The following SMC1A variants were observed in gnomAD, a reference collection of about 807,000 sequenced individuals.
SMC1A encodes the protein structural maintenance of chromosomes protein 1A.
SMC1A carries 4 observed loss-of-function variants against 94.5 expected under a neutral mutation model. The ratio of observed to expected loss-of-function variants is 0.04; its 90% CI spans 0.02 to 0.10. The LOEUF (loss-of-function observed/expected upper bound fraction) is 0.10, where lower values mean the gene tolerates loss of function less well. SMC1A is among the 10% of genes least tolerant of loss of function. The pLI, the probability that SMC1A is intolerant of heterozygous loss-of-function variation, is 1.00. For missense variants in SMC1A, 304 were observed against 989.0 expected, an observed-to-expected ratio of 0.31 and a Z score of 9.29; for synonymous variants, 345 against 347.7, an observed-to-expected ratio of 0.99 and a Z score of 0.09.
intron 9 of SMC1A, among the ~76,000 whole-genome samples, chrX:53,408,110 C>G (rs2075697820): frequency 8.9e-6 from 1 of 111,949 alleles, no homozygotes; most frequent in Admixed American, 9.5e-5. Context: ...GGGCAGATCA[C>G]TTGAGGTCAG....
At chrX:53,417,632 C>CT (rs1209695657) in intron 1 of SMC1A, among the ~76,000 whole-genome samples, 1 of 107,510 alleles carries the variant, frequency 9.3e-6, no homozygotes, top group East Asian at 2.9e-4. Context: ...AGTGCACAAA[C>CT]TTTGACTGGA....
At chrX:53,392,170 C>G (rs1602403478) in intron 19 of SMC1A, among the ~76,000 whole-genome samples, 1 of 110,929 alleles carries the variant, frequency 9.0e-6, no homozygotes, top group Non-Finnish European at 1.9e-5. Context: ...GTGGGCAGAT[C>G]ATGAGGTCAG....
rs1370794920 is a variant in SMC1A, at chrX:53,407,660, A to G, written c.1545+1402T>C. The stretch of plus-strand genomic sequence containing the variant: ...AAGTCTTGGACTGAGCCCCTAACCC[A>G]CAGGATCTGATGCTATCTCCAGATA... On this transcript the variant is annotated intron_variant, in intron 9 of 24. Transcript: ENST00000322213. Among the ~76,000 whole-genome samples the G allele has an allele frequency of 6.3e-5, 7 of 111,046 alleles. No homozygotes were observed. In the East Asian group the frequency reaches 1.4e-3, roughly 22 times the overall value.
At chrX:53,418,780 T>C (rs1408111536) in intron 1 of SMC1A, among the ~76,000 whole-genome samples, 2 of 111,726 alleles carry the variant, frequency 1.8e-5, no homozygotes, top group East Asian at 2.9e-4. Flanking sequence ...CAGTGGCTCA[T>C]GACTGTAATC....
intron 13 of SMC1A, among the ~76,000 whole-genome samples, chrX:53,404,384 T>A (rs2075683147): frequency 1.2e-5 from 1 of 82,294 alleles, no homozygotes; most frequent in Non-Finnish European, 2.2e-5. Flanking sequence ...AAAATTCAAA[T>A]TTGTTGAATG....
intron 16 of SMC1A, among the ~76,000 whole-genome samples, 163 bp downstream of exon 16, chrX:53,399,426 T>C (rs2075663305): frequency 1.8e-5 from 2 of 112,566 alleles, no homozygotes; most frequent in South Asian, 7.2e-4. Flanking sequence ...CTTCTTGAAC[T>C]GTTTGTGACA....
rs1057520375 is a variant in SMC1A at position 53,413,132 on chromosome X, G to A, written c.622C>T (p.Arg208Trp). Residue 208 changes from arginine to tryptophan, a missense_variant, in exon 5 of 25, where the codon CGG becomes TGG. Coordinates refer to ENST00000322213, the MANE Select transcript of SMC1A (RefSeq NM_006306.4). ...ACCTCATCCTTCAGGCGCTGGTACC[G>A]GTCAGCCTGTGCAAACAGGGGAATG... is the stretch of plus-strand genomic sequence containing the variant. ...EAKQEKEEAD[R>W]YQRLKDEVVR... is the part of the protein sequence containing the mutation. 8.3e-7 allele frequency: 1 copy of A among 1,211,697 alleles called. No individual in the cohort carries two copies. Among genetic ancestry groups the A allele is most frequent in the Admixed American group, 2.2e-5 (1 of 46,002 alleles).
chrX:53,399,931 G>A (rs1285493060), intron 15 of SMC1A, among the ~76,000 whole-genome samples: 3 of 111,346 alleles, frequency 2.7e-5, no homozygotes, highest in African/African-American at 9.8e-5. Flanking sequence ...AAGTTCCTCA[G>A]CCTAGCCCTG....
At chrX:53,395,635 G>T (rs1308077562) in intron 18 of SMC1A, among the ~76,000 whole-genome samples, 1 of 112,093 alleles carries the variant, frequency 8.9e-6, no homozygotes, top group Non-Finnish European at 1.9e-5. Flanking sequence ...TCTAAGACAA[G>T]ATATTAATAT....
chrX:53,395,753 C>A (rs1322125077), intron 18 of SMC1A, among the ~76,000 whole-genome samples: 1 of 111,309 alleles, frequency 9.0e-6, no homozygotes, highest in Non-Finnish European at 1.9e-5. Flanking sequence ...TAAACTTCCT[C>A]ACCTCTGCAT....
intron 19 of SMC1A, among the ~76,000 whole-genome samples, chrX:53,388,708 C>A (rs188438115): frequency 1.8e-4 from 20 of 109,417 alleles, no homozygotes; most frequent in Non-Finnish European, 9.5e-5. Context: ...ACTAGAAAAT[C>A]GAAAATTGGC....
In SMC1A at chrX:53,405,481, G is replaced by C. The variant is rs200324148; in HGVS notation, c.1911+12C>G. 114 of 1,210,437 alleles carry C rather than the reference G, an allele frequency of 9.4e-5. No homozygotes were observed. The highest frequency in any genetic ancestry group is 3.7e-4 in the South Asian group (21 of 56,860). ...GCCTGTCCAGCTCCAGCCTGGGCAA[G>C]GGAATCCACACCTTGTGGCGCTGGT... On this transcript the variant is annotated intron_variant, in intron 11 of 24. Coordinates refer to ENST00000322213, the MANE Select transcript of SMC1A (RefSeq NM_006306.4).
Position 53,380,202 on chromosome X carries a change from G to A in SMC1A, c.3619-16C>T, listed in dbSNP as rs1556885717. 3.5e-6 allele frequency: 4 copies of A among 1,141,194 alleles called. No individual in the cohort carries two copies. The Admixed American group carries it at 8.8e-5, about 25-fold the overall frequency. 94.0% of individuals were successfully genotyped at this position (1,141,194 alleles called of 1,213,427 possible). A position where few individuals can be genotyped will look rare whatever the true frequency, so the allele number is the denominator to read the frequency against. The stretch of plus-strand genomic sequence containing the variant: ...AGTCCCCTTGCTGAAGGAGGAGGGA[G>A]AAAAAGAAAAATAAAATTGTAAGGA... On this transcript the variant is annotated splice_polypyrimidine_tract_variant and intron_variant, in intron 24 of 24. Transcript: ENST00000322213.
chrX:53,384,264 C>CTTT (rs781943811), intron 19 of SMC1A, among the ~76,000 whole-genome samples: 2 of 95,825 alleles, frequency 2.1e-5, no homozygotes, highest in Non-Finnish European at 2.1e-5. Flanking sequence ...CCTTTTTAGA[C>CTTT]TTTTTTTTTT....
Position 53,378,333 on chromosome X carries a change from G to A in SMC1A, c.*1770C>T, listed in dbSNP as rs1047531151. 1.3e-4 allele frequency: 15 copies of A among 112,181 alleles called. No homozygotes were observed. Among genetic ancestry groups the A allele is most frequent in the African/African-American group, 4.2e-4 (13 of 30,887 alleles). The allele number at this position is 112,181 out of a possible 1,213,427, so 9.2% of individuals were successfully genotyped here. ...TTAATGTCCATCACAAAAGAAATGC[G>A]TAAGTAAAATGTGGTAATCATATGA... On this transcript the variant is annotated 3_prime_UTR_variant, in exon 25 of 25. Transcript: ENST00000322213.
Position 53,399,745 on chromosome X carries a change from G to C in SMC1A, c.2421-15C>G, listed in dbSNP as rs1002384123. 5.0e-6 allele frequency: 6 copies of C among 1,196,471 alleles called. No homozygotes were observed. The African/African-American group carries it at 5.3e-5, about 11-fold the overall frequency. On this transcript the variant is annotated splice_polypyrimidine_tract_variant and intron_variant, in intron 15 of 24. Transcript: ENST00000322213. ...CAAACTCCAAACTGTGTATAAAGGT[G>C]GGGGGAGAATCACTCATAATCTCAT...
chrX:53,389,842 CTTTT>C (rs1193457348), intron 19 of SMC1A, among the ~76,000 whole-genome samples: 10 of 55,092 alleles, frequency 1.8e-4, no homozygotes, highest in African/African-American at 5.9e-4. Flanking sequence ...TCCAGAATTT[CTTTT>C]TTTTTTTTTT....
intron 19 of SMC1A, among the ~76,000 whole-genome samples, chrX:53,390,973 C>CAAAAAA (rs782771730): frequency 2.7e-3 from 91 of 34,294 alleles, no homozygotes; most frequent in East Asian, 5.2e-3. Flanking sequence ...GACTCCGTCT[C>CAAAAAA]AAAAAAAAAA....
Position 53,376,090 on chromosome X carries a change from G to A in SMC1A, c.*4013C>T, listed in dbSNP as rs2075558787. 8.9e-6 allele frequency: 1 copy of A among 112,769 alleles called. No homozygotes were observed. The highest frequency in any genetic ancestry group is 3.7e-4 in the South Asian group (1 of 2,726). 9.3% of individuals were successfully genotyped at this position (112,769 alleles called of 1,213,427 possible). ...GCAAAATATCCCCAGGCCCACCCTT[G>A]TGGTGCCTAAAGCTTATTCAGAGAC... On this transcript the variant is annotated 3_prime_UTR_variant, in exon 25 of 25. Coordinates refer to ENST00000322213, the MANE Select transcript of SMC1A (RefSeq NM_006306.4).
Sources: allele counts gnomAD v4.1 joint callset (sites outside exome capture counted in the v4.1 genomes callset), GRCh38; gene constraint gnomAD v4.1.1; transcripts MANE v1.5; gene names NCBI Gene and HGNC (gene_info 2026-07-23, HGNC 2026-07-21).